Variants in TOMM5 observed in about 807,000 individuals in gnomAD.
TOMM5 encodes the protein translocase of outer mitochondrial membrane 5.
Under a neutral mutation model 4.8 loss-of-function variants are expected in TOMM5, and 1 was observed. That is an observed-to-expected ratio of 0.21 (90% CI 0.07 to 0.99). The LOEUF is 0.99. Among genes scored for constraint, TOMM5 ranks in the 50% least tolerant of loss-of-function variants. The probability of loss-of-function intolerance (pLI) is 0.60; values close to 1 mark genes in which losing one functional copy is unlikely to be tolerated. For synonymous variants in TOMM5, 26 were observed against 26.7 expected, an observed-to-expected ratio of 0.97 and a Z score of 0.08; for missense variants, 60 against 66.6, an observed-to-expected ratio of 0.90 and a Z score of 0.35.
At chr9:37,589,356 G>A (rs1203989120) in intron 1 of TOMM5, among the ~76,000 whole-genome samples, 1 of 152,198 alleles carries the variant, frequency 6.6e-6, no homozygotes, top group Non-Finnish European at 1.5e-5. Context: ...AACCGGAAGA[G>A]CTGGACACCT....
chr9:37,590,885 G>A (rs1384476005), intron 1 of TOMM5, among the ~76,000 whole-genome samples: 1 of 152,222 alleles, frequency 6.6e-6, no homozygotes, highest in Non-Finnish European at 1.5e-5. Flanking sequence ...CAGTATCAGT[G>A]AGCTCTGGCC....
At chr9:37,591,959 T>C (rs1279852369) in intron 1 of TOMM5, among the ~76,000 whole-genome samples, 2 of 151,988 alleles carry the variant, frequency 1.3e-5, no homozygotes, top group Non-Finnish European at 2.9e-5. Context: ...GCTCTGTCAC[T>C]CAAGCTGGAG....
At position 37,588,942 on chromosome 9, in the gene TOMM5, A is replaced by T. The variant is rs1823058891; in HGVS notation, c.122-10T>A. On this transcript the variant is annotated splice_polypyrimidine_tract_variant and intron_variant, in intron 1 of 1. Coordinates refer to ENST00000321301, the MANE Select transcript of TOMM5 (RefSeq NM_001001790.3). ...TTTAAGATAAATGGAGCTGAAAGAA[A>T]AACAAATCTAAAATTAGTTTTCAAA... The T allele has an allele frequency of 1.2e-6, 2 of 1,608,472 alleles. No individual in the cohort carries two copies. The highest frequency in any genetic ancestry group is 2.2e-5 in the South Asian group (2 of 90,596).
chr9:37,589,345 G>A (rs1445221762), intron 1 of TOMM5, among the ~76,000 whole-genome samples: 2 of 152,186 alleles, frequency 1.3e-5, no homozygotes, highest in Non-Finnish European at 2.9e-5. Flanking sequence ...CTGAACTAGA[G>A]AACCGGAAGA....
rs78059310 is a variant in TOMM5, at chr9:37,591,249, G to GA, written c.121+1162dup. Among the ~76,000 whole-genome samples, 563 of 150,964 alleles carry GA rather than the reference G, an allele frequency of 3.7e-3. 5 individuals are homozygous for GA. The highest frequency in any genetic ancestry group is 0.012 in the African/African-American group (489 of 41,178). On this transcript the variant is annotated intron_variant, in intron 1 of 1. Transcript: ENST00000321301. ...AACTTCCTGTCAATTTTAAGATATA[G>GA]AAAAAAAAACCTCAAATATTTGCAT...
At chr9:37,592,213 C>A (rs1399685269) in intron 1 of TOMM5, 199 bp downstream of exon 1, 6 of 1,515,180 alleles carry the variant, frequency 4.0e-6, no homozygotes, top group Admixed American at 2.1e-5. Context: ...GCGCGCCGGC[C>A]ACCACGTGCA....
Position 37,592,422 on chromosome 9 carries a change from G to C in TOMM5, c.111C>G (p.Leu37=), listed in dbSNP as rs756789287. 3 of 1,614,134 alleles carry C rather than the reference G, an allele frequency of 1.9e-6. No homozygotes were observed. The change falls in exon 1 of 2, where the codon CTC becomes CTG. Residue 37 remains leucine, a synonymous_variant. Transcript: ENST00000321301. The part of the protein sequence containing the change: ...SIRNFLIYVA[L]LRVTPFILKK... ...CCGGGAGACACTCACTGACTCGCAG[G>C]AGGGCCACGTAGATGAGAAAGTTCC...
chr9:37,588,845 C>A lies in TOMM5; in HGVS notation c.*53G>T. 1 of 1,585,884 alleles carries A rather than the reference C, an allele frequency of 6.3e-7. No individual in the cohort carries two copies. The highest frequency in any genetic ancestry group is 1.1e-5 in the South Asian group (1 of 90,462). ...GGCCTATTCACTTGCAGAGAGGAGTCGAAACTGTAACCAGGCTCTTCATAT... is the reference window on the plus strand; with the variant it reads ...GGCCTATTCACTTGCAGAGAGGAGTAGAAACTGTAACCAGGCTCTTCATAT... On this transcript the variant is annotated 3_prime_UTR_variant, in exon 2 of 2. Coordinates refer to ENST00000321301, the MANE Select transcript of TOMM5 (RefSeq NM_001001790.3).
intron 1 of TOMM5, among the ~76,000 whole-genome samples, chr9:37,590,044 C>T (rs544049294): frequency 1.3e-5 from 2 of 152,204 alleles, no homozygotes; most frequent in South Asian, 4.1e-4. Flanking sequence ...AAATGTTATG[C>T]TAAGTGAAAT....
In TOMM5 at chr9:37,588,652, G is replaced by T. The variant is rs1056435701; in HGVS notation, c.*246C>A. ...CATTATTTACAATTATACCAGTATT[G>T]TCAGAGGCCAAACGTCACAGGGATA... On this transcript the variant is annotated 3_prime_UTR_variant, in exon 2 of 2. Transcript: ENST00000321301. 1.5e-6 allele frequency: 1 copy of T among 660,804 alleles called. No individual in the cohort carries two copies. The highest frequency in any genetic ancestry group is 2.1e-5 in the Admixed American group (1 of 47,250). 40.9% of individuals were successfully genotyped at this position (660,804 alleles called of 1,614,324 possible).
chr9:37,590,632 T>C (rs1001020310), intron 1 of TOMM5, among the ~76,000 whole-genome samples: 11 of 152,202 alleles, frequency 7.2e-5, no homozygotes, highest in Non-Finnish European at 1.6e-4. Flanking sequence ...ACAAATTATA[T>C]TTCAACTTAA....
At chr9:37,590,564 C>T (rs1316124659) in intron 1 of TOMM5, among the ~76,000 whole-genome samples, 1 of 152,112 alleles carries the variant, frequency 6.6e-6, no homozygotes, top group Non-Finnish European at 1.5e-5. Flanking sequence ...GATGGCTGCA[C>T]AACTGACTGC....
At chr9:37,589,807 C>T (rs551088941) in intron 1 of TOMM5, among the ~76,000 whole-genome samples, 12 of 152,234 alleles carry the variant, frequency 7.9e-5, no homozygotes, top group African/African-American at 2.9e-4. Context: ...CAGGCATGAG[C>T]CACTGCGCCC....
intron 1 of TOMM5, among the ~76,000 whole-genome samples, chr9:37,590,639 T>C (rs1214865893): frequency 1.3e-5 from 2 of 152,142 alleles, no homozygotes; most frequent in Non-Finnish European, 1.5e-5. Flanking sequence ...ATATTTCAAC[T>C]TAAAAGTGAA....
intron 1 of TOMM5, among the ~76,000 whole-genome samples, chr9:37,591,131 T>A (rs1823093157): frequency 6.6e-6 from 1 of 152,172 alleles, no homozygotes; most frequent in Admixed American, 6.5e-5. Context: ...CTAAGTCCCC[T>A]CTGAAAATCA....
At chr9:37,590,775 A>G (rs148464758) in intron 1 of TOMM5, among the ~76,000 whole-genome samples, 3,477 of 152,286 alleles carry the variant, frequency 0.023, 131 homozygotes, top group African/African-American at 0.078. Context: ...AAGCTGTTGA[A>G]CTAGGATGAT....
In TOMM5 at chr9:37,588,702, C is replaced by T. The variant is rs557422131; in HGVS notation, c.*196G>A. 8.6e-5 allele frequency: 60 copies of T among 700,012 alleles called. No individual in the cohort carries two copies. Among genetic ancestry groups the T allele is most frequent in the South Asian group, 3.0e-5 (2 of 66,758 alleles). 43.4% of individuals were successfully genotyped at this position (700,012 alleles called of 1,614,324 possible). A position where few individuals can be genotyped will look rare whatever the true frequency, so the allele number is the denominator to read the frequency against. On this transcript the variant is annotated 3_prime_UTR_variant, in exon 2 of 2. Transcript: ENST00000321301. ...AAGGGTACACCAGATCACGAGACATCGTTTCATACTTCCCAAATAGTTTTA... is the reference window on the plus strand; with the variant it reads ...AAGGGTACACCAGATCACGAGACATTGTTTCATACTTCCCAAATAGTTTTA...
At position 37,592,567 on chromosome 9, in the gene TOMM5, C is replaced by A. The variant is rs749987222; in HGVS notation, c.-35G>T. On this transcript the variant is annotated 5_prime_UTR_variant, in exon 1 of 2. Transcript: ENST00000321301. ...GACTTAGCAGCTTCCAGCCGCCGCG[C>A]TCTGCTCTCCACGGTGGCCGCCTCG... The A allele has an allele frequency of 3.1e-6, 5 of 1,600,866 alleles. No homozygotes were observed. The highest frequency in any genetic ancestry group is 1.7e-5 in the Admixed American group (1 of 59,656).
chr9:37,589,948 C>T (rs1214783780), intron 1 of TOMM5, among the ~76,000 whole-genome samples: 2 of 152,172 alleles, frequency 1.3e-5, no homozygotes, highest in Non-Finnish European at 2.9e-5. Flanking sequence ...AATGGATAAG[C>T]AAAATGTGAT....
Sources: allele counts gnomAD v4.1 joint callset (sites outside exome capture counted in the v4.1 genomes callset), GRCh38; gene constraint gnomAD v4.1.1; transcripts MANE v1.5; gene names NCBI Gene and HGNC (gene_info 2026-07-23, HGNC 2026-07-21).